The following FER variants were observed in gnomAD, a reference collection of about 807,000 sequenced individuals.
The protein encoded by FER is FER tyrosine kinase.
In FER, 63 loss-of-function variants were observed where a neutral mutation model predicts 111.0. The observed-to-expected ratio is 0.57, with a 90% CI of 0.46 to 0.70. The LOEUF is 0.70. Ranked by LOEUF, FER falls within the 30% of genes least tolerant of loss-of-function variation. FER has a pLI of 0.00. For missense variants in FER, 914 were observed against 954.0 expected, an observed-to-expected ratio of 0.96 and a Z score of 0.55; for synonymous variants, 327 against 313.9, an observed-to-expected ratio of 1.04 and a Z score of -0.44.
intron 17 of FER, among the ~76,000 whole-genome samples, chr5:109,172,200 C>T (rs1290434927): frequency 1.3e-5 from 2 of 151,784 alleles, no homozygotes; most frequent in East Asian, 1.9e-4. Flanking sequence ...CTTATTGCGG[C>T]ACTATTCACA....
chr5:108,955,424 G>T (rs1472367090), intron 12 of FER, among the ~76,000 whole-genome samples: 1 of 151,624 alleles, frequency 6.6e-6, no homozygotes, highest in East Asian at 1.9e-4. Context: ...ATAAGCTCTT[G>T]TTTATTGGCA....
At chr5:109,143,039 C>G (rs563994998) in intron 17 of FER, among the ~76,000 whole-genome samples, 1 of 152,096 alleles carries the variant, frequency 6.6e-6, no homozygotes, top group Admixed American at 6.6e-5. Context: ...CCTTGCACCA[C>G]TTCTGGCCAC....
chr5:108,790,401 A>T (rs1561423095), intron 2 of FER, among the ~76,000 whole-genome samples: 1 of 152,200 alleles, frequency 6.6e-6, no homozygotes, highest in African/African-American at 2.4e-5. Flanking sequence ...AGCTTAGAGG[A>T]TATCAGCTGA....
chr5:108,864,087 G>A (rs900353771), intron 5 of FER, among the ~76,000 whole-genome samples: 1 of 152,018 alleles, frequency 6.6e-6, no homozygotes, highest in East Asian at 1.9e-4. Flanking sequence ...AGATTATCTG[G>A]GTAACATTTT....
intron 5 of FER, among the ~76,000 whole-genome samples, chr5:108,852,937 T>C (rs1762667989): frequency 6.6e-6 from 1 of 152,196 alleles, no homozygotes; most frequent in Non-Finnish European, 1.5e-5. Context: ...ATTTATATTC[T>C]TTGTATTACT....
chr5:108,923,613 T>C (rs1208001401), intron 10 of FER, among the ~76,000 whole-genome samples: 1 of 152,198 alleles, frequency 6.6e-6, no homozygotes, highest in Non-Finnish European at 1.5e-5. Context: ...CAGGGATTTA[T>C]AAAGCAATTA....
At chr5:108,844,994 GTGTATATATATATATATATATATATATA>G (rs1761753345) in intron 5 of FER, among the ~76,000 whole-genome samples, 5 of 42,636 alleles carry the variant, frequency 1.2e-4, no homozygotes, top group Admixed American at 3.0e-4. Context: ...GTGTGTGTGT[GTGTATATATATATATATATATATATATA>G]TATATATATA....
At chr5:108,793,098 A>C (rs930089811) in intron 2 of FER, among the ~76,000 whole-genome samples, 3 of 152,174 alleles carry the variant, frequency 2.0e-5, no homozygotes, top group Non-Finnish European at 4.4e-5. Flanking sequence ...TTGTGCTATC[A>C]GGTACTAGGT....
At chr5:108,914,813 C>T (rs1244751553) in intron 10 of FER, among the ~76,000 whole-genome samples, 1 of 152,160 alleles carries the variant, frequency 6.6e-6, no homozygotes, top group East Asian at 1.9e-4. Flanking sequence ...TAGCTCTTCC[C>T]TTTTCAAAAG....
intron 2 of FER, among the ~76,000 whole-genome samples, chr5:108,789,575 G>A (rs529675054): frequency 2.6e-5 from 4 of 151,522 alleles, no homozygotes; most frequent in African/African-American, 7.3e-5. Flanking sequence ...GGAGATATCT[G>A]AAATATCTAC....
At chr5:108,825,398 C>T (rs998260581) in intron 3 of FER, among the ~76,000 whole-genome samples, 1 of 152,208 alleles carries the variant, frequency 6.6e-6, no homozygotes, top group Non-Finnish European at 1.5e-5. Context: ...AATATTTCTC[C>T]CATTTGGGCT....
intron 13 of FER, among the ~76,000 whole-genome samples, chr5:109,024,427 G>A (rs778506394): frequency 5.9e-5 from 9 of 152,244 alleles, no homozygotes; most frequent in South Asian, 2.1e-4. Context: ...ACGAAAGAAA[G>A]CAGTGGAGAG....
rs1350859678 is a variant in FER, at chr5:108,918,641, C to CA, written c.1236+20794dup. Among the ~76,000 whole-genome samples the CA allele has an allele frequency of 7.9e-5, 12 of 152,174 alleles. No homozygotes were observed. In the East Asian group the frequency reaches 2.3e-3, roughly 29 times the overall value. Reference sequence around the variant, plus strand: ...AGCTGGGACTACAGGCCCCCGCCACCACGCCTGGCTAATTTTTTTGTATTT... The same window carrying CA: ...AGCTGGGACTACAGGCCCCCGCCACCAACGCCTGGCTAATTTTTTTGTATTT... On this transcript the variant is annotated intron_variant, in intron 10 of 19. Coordinates refer to ENST00000281092, the MANE Select transcript of FER (RefSeq NM_005246.4).
chr5:109,131,073 T>C (rs1752304551), intron 17 of FER, among the ~76,000 whole-genome samples: 1 of 152,150 alleles, frequency 6.6e-6, no homozygotes, highest in Admixed American at 6.6e-5. Flanking sequence ...TATATGTTTG[T>C]CGCAAGGAAG....
At chr5:108,876,045 A>C (rs1349605255) in intron 8 of FER, among the ~76,000 whole-genome samples, 2 of 152,244 alleles carry the variant, frequency 1.3e-5, no homozygotes, top group Non-Finnish European at 2.9e-5. Context: ...GAATATAAAT[A>C]GGATATCTCA....
chr5:109,172,796 C>T (rs991327100), intron 17 of FER, among the ~76,000 whole-genome samples: 8 of 151,890 alleles, frequency 5.3e-5, no homozygotes, highest in African/African-American at 1.9e-4. Context: ...AAATTTGTGC[C>T]TGGAGATTTG....
At chr5:109,051,210 A>G (rs1772748215) in intron 16 of FER, 2 of 769,032 alleles carry the variant, frequency 2.6e-6, no homozygotes, top group African/African-American at 3.4e-5. Context: ...AGACTGTTGA[A>G]TACCACCTCC....
chr5:108,837,514 A>G (rs1383546322), intron 5 of FER, among the ~76,000 whole-genome samples: 1 of 152,192 alleles, frequency 6.6e-6, no homozygotes, highest in African/African-American at 2.4e-5. Context: ...ATTAAATTAC[A>G]TTGCAAATAT....
chr5:109,122,059 T>G (rs1347732253), intron 17 of FER, among the ~76,000 whole-genome samples: 3 of 152,054 alleles, frequency 2.0e-5, no homozygotes, highest in African/African-American at 7.2e-5. Context: ...CTTTTGTATT[T>G]TCTTTATTTC....
Sources: gnomAD v4.1 joint callset for allele counts (sites outside exome capture counted in the v4.1 genomes callset) on GRCh38, gnomAD v4.1.1 for gene constraint, MANE v1.5 for transcripts, NCBI Gene and HGNC (gene_info 2026-07-23, HGNC 2026-07-21) for gene names.